The following ADCY2 variants were observed in gnomAD, a reference collection of about 807,000 sequenced individuals.
ADCY2 encodes the protein adenylate cyclase 2.
Under a neutral mutation model 125.2 loss-of-function variants are expected in ADCY2, and 31 were observed. The observed-to-expected ratio is 0.25, with a 90% confidence interval of 0.19 to 0.33. ADCY2 has a LOEUF of 0.33. Among genes scored for constraint, ADCY2 ranks in the 10% least tolerant of loss-of-function variants. The probability of loss-of-function intolerance (pLI) is 1.00; values close to 1 mark genes in which losing one functional copy is unlikely to be tolerated. For synonymous variants in ADCY2, 512 were observed against 548.4 expected, an observed-to-expected ratio of 0.93 and a Z score of 0.93; for missense variants, 904 against 1,418.2, an observed-to-expected ratio of 0.64 and a Z score of 5.82.
chr5:7,727,194 T>C lies in ADCY2; in HGVS notation c.1804T>C (p.Tyr602His). 6.2e-7 allele frequency: 1 copy of C among 1,614,162 alleles called. No individual in the cohort carries two copies. Among genetic ancestry groups the C allele is most frequent in the Non-Finnish European group, 8.5e-7 (1 of 1,179,998 alleles). ...GGCCACGGCACTGCCAGCGTTCAAG[T>C]ATTATGTGACTTGTGCCTGTCTCAT... Reference protein sequence around the residue: ...YRATALPAFKYYVTCACLIFF... With the variant: ...YRATALPAFKHYVTCACLIFF... The change falls in exon 14 of 25, where the codon TAT becomes CAT. Residue 602 changes from tyrosine to histidine, a missense_variant. By Grantham distance (83) the Tyr-to-His change is moderately conservative. This residue lies in a region of ADCY2 where 221 missense variants were observed against 246.2 expected (regional missense o/e 0.90). Coordinates refer to ENST00000338316, the MANE Select transcript of ADCY2 (RefSeq NM_020546.3).
At chr5:7,704,240 G>A (rs1235062343) in intron 7 of ADCY2, among the ~76,000 whole-genome samples, 1 of 152,152 alleles carries the variant, frequency 6.6e-6, no homozygotes, top group African/African-American at 2.4e-5. Flanking sequence ...TTGCCAGATG[G>A]TCTCAGTGTC....
intron 17 of ADCY2, among the ~76,000 whole-genome samples, chr5:7,771,311 G>A (rs575326452): frequency 6.6e-5 from 10 of 152,122 alleles, no homozygotes; most frequent in East Asian, 3.9e-4. Context: ...GTTCTCTGTC[G>A]TGGGAAGGCA....
intron 2 of ADCY2, among the ~76,000 whole-genome samples, chr5:7,445,328 G>A (rs1369790636): frequency 1.3e-5 from 2 of 152,150 alleles, no homozygotes; most frequent in African/African-American, 2.4e-5. Context: ...TTACTGGAAG[G>A]TCACCCTGCT....
At chr5:7,628,019 CAT>C (rs1272948440) in intron 4 of ADCY2, among the ~76,000 whole-genome samples, 2 of 152,164 alleles carry the variant, frequency 1.3e-5, no homozygotes, top group African/African-American at 2.4e-5. Context: ...AATTAAGAGA[CAT>C]AGATAGTTGT....
chr5:7,706,593 C>A, intron 7 of ADCY2, 151 bp from the exon 8 acceptor site: 1 of 828,570 alleles, frequency 1.2e-6, no homozygotes, highest in Non-Finnish European at 1.9e-6. Flanking sequence ...CCCTTCTTAG[C>A]TCAGAGGAGT....
intron 14 of ADCY2, among the ~76,000 whole-genome samples, chr5:7,737,496 C>A (rs1390617426): frequency 1.3e-5 from 2 of 152,192 alleles, no homozygotes; most frequent in African/African-American, 4.8e-5. Context: ...AATACCCAAT[C>A]TCTTTCTTTC....
chr5:7,645,215 A>G (rs1232443003), intron 4 of ADCY2, among the ~76,000 whole-genome samples: 1 of 152,166 alleles, frequency 6.6e-6, no homozygotes, highest in Non-Finnish European at 1.5e-5. Context: ...CTTATTAAAG[A>G]TATATATTTT....
intron 16 of ADCY2, among the ~76,000 whole-genome samples, chr5:7,765,077 C>G (rs909456329): frequency 2.0e-5 from 3 of 152,126 alleles, no homozygotes; most frequent in East Asian, 1.9e-4. Flanking sequence ...TATTGCAAAA[C>G]CTCCTTGCAA....
At chr5:7,452,750 A>G (rs745505315) in intron 2 of ADCY2, among the ~76,000 whole-genome samples, 3 of 152,184 alleles carry the variant, frequency 2.0e-5, no homozygotes, top group South Asian at 2.1e-4. Flanking sequence ...CACCACATCC[A>G]TGCTAACATC....
chr5:7,820,462 C>G, intron 23 of ADCY2, 103 bp from the exon 24 acceptor site: 1 of 1,444,306 alleles, frequency 6.9e-7, no homozygotes, highest in Non-Finnish European at 9.3e-7. Context: ...CCACTGCACT[C>G]CAGCCTGGGT....
At chr5:7,747,907 C>T (rs1321742576) in intron 15 of ADCY2, among the ~76,000 whole-genome samples, 3 of 152,222 alleles carry the variant, frequency 2.0e-5, no homozygotes, top group Non-Finnish European at 2.9e-5. Flanking sequence ...CACCCAAGTG[C>T]GGTTTCCTGG....
chr5:7,599,718 C>T (rs1290879905), intron 3 of ADCY2, among the ~76,000 whole-genome samples: 1 of 152,024 alleles, frequency 6.6e-6, no homozygotes, highest in Non-Finnish European at 1.5e-5. Context: ...TAGAGGGTTT[C>T]AAGGTGTGTG....
intron 19 of ADCY2, among the ~76,000 whole-genome samples, chr5:7,785,974 T>C (rs1431863998): frequency 6.6e-6 from 1 of 152,230 alleles, no homozygotes; most frequent in Admixed American, 6.5e-5. Flanking sequence ...ATCAAAAGTG[T>C]TCAATATTAT....
rs899891790 is a variant in ADCY2, at chr5:7,773,193, T to C, written c.2384+92T>C. On this transcript the variant is annotated intron_variant, in intron 18 of 24. Transcript: ENST00000338316. ...GTTGAGTAAATGCAAGTTAGCGATG[T>C]CATTGTCATTGATAAATCATTCTGA... The C allele has an allele frequency of 7.1e-6, 9 of 1,273,434 alleles. No individual in the cohort carries two copies. The Admixed American group carries it at 1.8e-4, about 26-fold the overall frequency. The allele number at this position is 1,273,434 out of a possible 1,614,324, so 78.9% of individuals were successfully genotyped here. A position where few individuals can be genotyped will look rare whatever the true frequency, so the allele number is the denominator to read the frequency against.
intron 3 of ADCY2, among the ~76,000 whole-genome samples, chr5:7,598,043 T>G (rs1323817537): frequency 6.6e-6 from 1 of 152,128 alleles, no homozygotes; most frequent in East Asian, 1.9e-4. Flanking sequence ...ATAGAACACA[T>G]AAATGTACAT....
At chr5:7,501,593 C>T (rs1048975604) in intron 2 of ADCY2, among the ~76,000 whole-genome samples, 2 of 129,500 alleles carry the variant, frequency 1.5e-5, no homozygotes, top group Non-Finnish European at 3.1e-5. Context: ...ATGATAATGA[C>T]ATAGGATTAG....
At chr5:7,458,832 G>T (rs149567731) in intron 2 of ADCY2, among the ~76,000 whole-genome samples, 40 of 152,260 alleles carry the variant, frequency 2.6e-4, no homozygotes, top group African/African-American at 9.1e-4. Flanking sequence ...GTTGACTTTA[G>T]CCTGAAAAAA....
At chr5:7,575,777 C>G (rs556530387) in intron 3 of ADCY2, among the ~76,000 whole-genome samples, 1 of 152,124 alleles carries the variant, frequency 6.6e-6, no homozygotes, top group East Asian at 1.9e-4. Flanking sequence ...ATCAACCAAC[C>G]TTAACAAAAT....
At chr5:7,405,007 T>G (rs1739421381) in intron 1 of ADCY2, among the ~76,000 whole-genome samples, 1 of 152,232 alleles carries the variant, frequency 6.6e-6, no homozygotes, top group Non-Finnish European at 1.5e-5. Flanking sequence ...AAGATGGAAT[T>G]GCATGACATT....
Sources: allele counts gnomAD v4.1 joint callset (sites outside exome capture counted in the v4.1 genomes callset), GRCh38; gene constraint gnomAD v4.1.1; regional missense constraint gnomAD v4.1.1; transcripts MANE v1.5; gene names NCBI Gene and HGNC (gene_info 2026-07-23, HGNC 2026-07-21).